The following MCC variants were observed in gnomAD, a reference collection of about 807,000 sequenced individuals.
MCC encodes MCC regulator of Wnt signaling pathway, also known as colorectal mutant cancer protein.
A neutral mutation model predicts 116.2 loss-of-function variants in MCC; 90 were observed. The observed-to-expected ratio is 0.77, with a 90% CI of 0.65 to 0.92. The LOEUF is 0.92. Among genes scored for constraint, MCC ranks in the 40% least tolerant of loss-of-function variants. The pLI is 0.00. For missense variants in MCC, 1,516 were observed against 1,312.2 expected (o/e 1.16, Z -2.40); for synonymous variants, 578 against 510.5 (o/e 1.13, Z -1.78).
intron 1 of MCC, among the ~76,000 whole-genome samples, chr5:113,419,863 G>C (rs922373657): frequency 8.1e-6 from 1 of 123,548 alleles, no homozygotes; most frequent in African/African-American, 3.1e-5. Flanking sequence ...ACACACCGGG[G>C]ACTGTTGTGG....
At chr5:113,073,309 G>A (rs569623964) in intron 11 of MCC, among the ~76,000 whole-genome samples, 15 of 152,106 alleles carry the variant, frequency 9.9e-5, no homozygotes, top group Admixed American at 2.6e-4. Flanking sequence ...GAGGCCCCTG[G>A]CCCCATCCTG....
At chr5:113,446,965 G>GA (rs1228266370) in intron 1 of MCC, among the ~76,000 whole-genome samples, 1 of 151,918 alleles carries the variant, frequency 6.6e-6, no homozygotes, top group Non-Finnish European at 1.5e-5. Flanking sequence ...TAAAATTATT[G>GA]AAAAAAATAA....
intron 3 of MCC, among the ~76,000 whole-genome samples, chr5:113,168,274 A>C (rs550254959): frequency 7.2e-5 from 11 of 152,334 alleles, no homozygotes; most frequent in African/African-American, 2.4e-4. Context: ...CATAACTTAC[A>C]TATGGAATAT....
chr5:113,041,828 C>G (rs1751723713), intron 17 of MCC, among the ~76,000 whole-genome samples: 2 of 152,086 alleles, frequency 1.3e-5, no homozygotes, highest in Admixed American at 6.5e-5. Flanking sequence ...AATCCCATCT[C>G]TACTAAAAAT....
intron 3 of MCC, among the ~76,000 whole-genome samples, chr5:113,264,914 T>C (rs1048101777): frequency 1.3e-5 from 2 of 152,066 alleles, no homozygotes; most frequent in African/African-American, 4.8e-5. Context: ...TGGTGGCACA[T>C]GCCTGTAGTC....
At chr5:113,075,241 C>T (rs1213687542) in intron 11 of MCC, among the ~76,000 whole-genome samples, 3 of 152,216 alleles carry the variant, frequency 2.0e-5, no homozygotes, top group Admixed American at 6.5e-5. Context: ...GCGCCACGCT[C>T]GAATTCTCAC....
intron 11 of MCC, 33 bp from the exon 12 acceptor site, chr5:113,071,267 G>T: frequency 6.3e-7 from 1 of 1,599,900 alleles, no homozygotes; most frequent in East Asian, 2.3e-5. Flanking sequence ...TTCACACTAG[G>T]GTTACAGTTA....
At chr5:113,366,586 C>T (rs927047264) in intron 2 of MCC, among the ~76,000 whole-genome samples, 1 of 152,012 alleles carries the variant, frequency 6.6e-6, no homozygotes, top group Non-Finnish European at 1.5e-5. Context: ...TGATTTCCTA[C>T]CTGAGAAGAC....
chr5:113,296,593 G>C (rs902762493), intron 3 of MCC, among the ~76,000 whole-genome samples: 6 of 152,122 alleles, frequency 3.9e-5, no homozygotes, highest in African/African-American at 1.4e-4. Flanking sequence ...GCGGGCATGG[G>C]GATCACAGGC....
At chr5:113,155,248 G>A (rs1406624412) in intron 3 of MCC, among the ~76,000 whole-genome samples, 1 of 152,152 alleles carries the variant, frequency 6.6e-6, no homozygotes, top group Admixed American at 6.5e-5. Context: ...ATATTCCACT[G>A]TGCATATGTA....
At chr5:113,235,169 G>T (rs1367009691) in intron 3 of MCC, among the ~76,000 whole-genome samples, 1 of 152,248 alleles carries the variant, frequency 6.6e-6, no homozygotes, top group South Asian at 2.1e-4. Flanking sequence ...CAATAAAAAT[G>T]GGCTTTTTAA....
chr5:113,480,023 A>G (rs563091295), intron 1 of MCC, among the ~76,000 whole-genome samples: 1 of 152,162 alleles, frequency 6.6e-6, no homozygotes, highest in Non-Finnish European at 1.5e-5. Context: ...TTTCTGTTCC[A>G]TTTACCTTTG....
intron 6 of MCC, among the ~76,000 whole-genome samples, chr5:113,111,566 A>G (rs1367131344): frequency 6.6e-6 from 1 of 152,242 alleles, no homozygotes; most frequent in Non-Finnish European, 1.5e-5. Flanking sequence ...AAATGTACAT[A>G]TAGTTCAAGT....
rs1272807426 is a variant in MCC, at chr5:113,136,766, A to G, written c.884+6452T>C. ...TTGGAGTATTTAGGGGTTTCTATAT[A>G]TAAGATCATATCATCTGTGAACAGG... On this transcript the variant is annotated intron_variant, in intron 5 of 18. Coordinates refer to ENST00000408903, the MANE Select transcript of MCC (RefSeq NM_001085377.2). Among the ~76,000 whole-genome samples, 5 of 152,206 alleles carry G rather than the reference A, an allele frequency of 3.3e-5. 1 individual carries two copies. In the South Asian group the frequency reaches 8.3e-4, roughly 25 times the overall value.
intron 3 of MCC, among the ~76,000 whole-genome samples, chr5:113,225,846 G>A (rs533101194): frequency 6.6e-6 from 1 of 152,358 alleles, no homozygotes; most frequent in African/African-American, 2.4e-5. Flanking sequence ...CAAGGTTAAA[G>A]TGAGAGAGCT....
At chr5:113,478,081 A>G (rs980130380) in intron 1 of MCC, among the ~76,000 whole-genome samples, 3 of 152,220 alleles carry the variant, frequency 2.0e-5, no homozygotes, top group Non-Finnish European at 4.4e-5. Context: ...GAAAAATGCA[A>G]TACCACTCCA....
At chr5:113,232,091 T>G (rs1025978680) in intron 3 of MCC, among the ~76,000 whole-genome samples, 5 of 152,314 alleles carry the variant, frequency 3.3e-5, no homozygotes, top group African/African-American at 1.2e-4. Flanking sequence ...ATTTGTTAAC[T>G]AGCTTTCACC....
At chr5:113,344,314 C>T (rs1040082618) in intron 2 of MCC, among the ~76,000 whole-genome samples, 2 of 152,156 alleles carry the variant, frequency 1.3e-5, no homozygotes, top group African/African-American at 2.4e-5. Context: ...CCACCGTGGG[C>T]TAAAGTGCTC....
intron 17 of MCC, among the ~76,000 whole-genome samples, chr5:113,031,450 C>T (rs1187669454): frequency 2.0e-5 from 3 of 151,630 alleles, no homozygotes; most frequent in Non-Finnish European, 2.9e-5. Context: ...CAGCAGTCCT[C>T]CTCCAGCGGA....
Sources: gnomAD v4.1 joint callset for allele counts (sites outside exome capture counted in the v4.1 genomes callset) on GRCh38, gnomAD v4.1.1 for gene constraint, MANE v1.5 for transcripts, NCBI Gene and HGNC (gene_info 2026-07-23, HGNC 2026-07-21) for gene names.